Variants in C2orf49 observed in about 807,000 individuals in gnomAD.
C2orf49 encodes the protein tRNA-splicing ligase complex subunit ASW.
Under a neutral mutation model 20.6 loss-of-function variants are expected in C2orf49, and 11 were observed. The observed-to-expected ratio is 0.53, with a 90% CI of 0.34 to 0.88. C2orf49 has a LOEUF of 0.88. Ranked by LOEUF, C2orf49 falls within the 40% of genes least tolerant of loss-of-function variation. C2orf49 has a pLI of 0.02. For synonymous variants in C2orf49, 134 were observed against 108.5 expected (o/e 1.24, Z -1.46); for missense variants, 289 against 274.2 (o/e 1.05, Z -0.38).
chr2:105,365,426 G>T, the C2orf49 span, among the ~76,000 whole-genome samples: 1 of 152,200 alleles, frequency 6.6e-6, no homozygotes, highest in East Asian at 1.9e-4. Flanking sequence ...ATCCCAGAAG[G>T]ATGTGTTGCT....
At chr2:105,345,124 TAAACTACACACATTTGA>T (rs1243315347) in intron 3 of C2orf49, among the ~76,000 whole-genome samples, 174 bp from the exon 4 acceptor site, 1 of 152,204 alleles carries the variant, frequency 6.6e-6, no homozygotes, top group Non-Finnish European at 1.5e-5. Context: ...TAAGTTATTC[TAAACTACACACATTTGA>T]GAACCACAGA....
chr2:105,343,233 G>C lies in C2orf49; in HGVS notation c.642+10G>C. The C allele has an allele frequency of 6.4e-7, 1 of 1,557,978 alleles. No individual in the cohort carries two copies. The highest frequency in any genetic ancestry group is 8.6e-7 in the Non-Finnish European group (1 of 1,158,596). On this transcript the variant is annotated intron_variant, in intron 3 of 3. Coordinates refer to ENST00000258457, the MANE Select transcript of C2orf49 (RefSeq NM_024093.3). The stretch of plus-strand genomic sequence containing the variant: ...AGAGGCAGAGGCCATGGTAAGTATG[G>C]GGGTGGTTTCCATGCTGGTAAGTGG...
At chr2:105,372,719 G>T in the C2orf49 span, among the ~76,000 whole-genome samples, 5 of 151,990 alleles carry the variant, frequency 3.3e-5, no homozygotes, top group Non-Finnish European at 5.9e-5. Flanking sequence ...AACCTGGGAG[G>T]CAGAGGTTGC....
rs1480483166 is a variant in C2orf49, at chr2:105,345,533, C to T, written c.*162C>T. The stretch of plus-strand genomic sequence containing the variant: ...GGATTTATTTTCCTTCCCTTCTTCC[C>T]TCCCTCCCTTCCTTTTTTAAAATTC... On this transcript the variant is annotated 3_prime_UTR_variant, in exon 4 of 4. Transcript: ENST00000258457. 3 of 641,124 alleles carry T rather than the reference C, an allele frequency of 4.7e-6. No homozygotes were observed. The highest frequency in any genetic ancestry group is 8.2e-6 in the Non-Finnish European group (3 of 368,068). 39.7% of individuals were successfully genotyped at this position (641,124 alleles called of 1,614,324 possible). A position where few individuals can be genotyped will look rare whatever the true frequency, so the allele number is the denominator to read the frequency against.
At chr2:105,338,504 G>C (rs542098178) in intron 1 of C2orf49, among the ~76,000 whole-genome samples, 1 of 152,096 alleles carries the variant, frequency 6.6e-6, no homozygotes, top group Non-Finnish European at 1.5e-5. Context: ...TCAGTTTCTC[G>C]TTCAGTAGTT....
rs1226542866 is a variant in C2orf49 at position 105,337,633 on chromosome 2, C to T, written c.46C>T (p.Leu16=). The change falls in exon 1 of 4, where the codon CTG becomes TTG. Residue 16 remains leucine, a synonymous_variant. Transcript: ENST00000258457. ...GGRSCTDSEL[L]LHPELLSQEF... is the part of the protein sequence containing the mutation. ...TCGCAGCTGCACGGACTCGGAACTGCTGCTGCACCCGGAGCTGCTGTCCCA... is the reference window on the plus strand; with the variant it reads ...TCGCAGCTGCACGGACTCGGAACTGTTGCTGCACCCGGAGCTGCTGTCCCA... 1.3e-6 allele frequency: 2 copies of T among 1,599,660 alleles called. No homozygotes were observed. The highest frequency in any genetic ancestry group is 1.1e-5 in the South Asian group (1 of 90,746).
the C2orf49 span, chr2:105,373,865 A>T: frequency 1.3e-6 from 1 of 750,426 alleles, no homozygotes; most frequent in Non-Finnish European, 2.2e-6. Context: ...GCGCACCCAC[A>T]TTCATGCCCC....
At chr2:105,351,270 T>C (rs1039187653), downstream of C2orf49, among the ~76,000 whole-genome samples, 7 of 150,086 alleles carry the variant, frequency 4.7e-5, no homozygotes, top group South Asian at 4.3e-4. Flanking sequence ...TTTTCCACTA[T>C]AGTTATTGCT....
At chr2:105,372,832 C>T in the C2orf49 span, among the ~76,000 whole-genome samples, 3 of 152,194 alleles carry the variant, frequency 2.0e-5, no homozygotes, top group Non-Finnish European at 2.9e-5. Flanking sequence ...ACTGGAATTA[C>T]AGGTATAAGC....
the C2orf49 span, among the ~76,000 whole-genome samples, chr2:105,355,748 A>T: frequency 6.6e-6 from 1 of 151,350 alleles, no homozygotes; most frequent in Non-Finnish European, 1.5e-5. Flanking sequence ...GTTCTAAGTT[A>T]TATAGCTCAG....
chr2:105,364,443 G>C, the C2orf49 span, among the ~76,000 whole-genome samples: 119 of 152,318 alleles, frequency 7.8e-4, no homozygotes, highest in African/African-American at 2.8e-3. Context: ...AAATAAGCTG[G>C]ATGCCTTCAT....
chr2:105,348,009 T>TTC lies in C2orf49; in HGVS notation c.*2639_*2640insCT, dbSNP rs72530031. On this transcript the variant is annotated 3_prime_UTR_variant, in exon 4 of 4. Coordinates refer to ENST00000258457, the MANE Select transcript of C2orf49 (RefSeq NM_024093.3). ...CATTAGCAGGCATCCTTGTTTTTTC[T>TTC]TTTCCCTCTTTGTTCCTTCTTTTCC... 1 of 151,712 alleles carries TTC rather than the reference T, an allele frequency of 6.6e-6. No homozygotes were observed. Among genetic ancestry groups the TTC allele is most frequent in the Non-Finnish European group, 1.5e-5 (1 of 67,926 alleles). The allele number at this position is 151,712 out of a possible 1,614,324, so 9.4% of individuals were successfully genotyped here. A position where few individuals can be genotyped will look rare whatever the true frequency, so the allele number is the denominator to read the frequency against.
the C2orf49 span, among the ~76,000 whole-genome samples, chr2:105,363,920 G>T: frequency 1.3e-5 from 2 of 152,326 alleles, no homozygotes; most frequent in Non-Finnish European, 2.9e-5. Flanking sequence ...CATCCAGGAA[G>T]TGAGGGTGAT....
intron 3 of C2orf49, 134 bp from the exon 4 acceptor site, chr2:105,345,181 T>C (rs1679778944): frequency 6.8e-6 from 5 of 739,872 alleles, no homozygotes; most frequent in Non-Finnish European, 1.1e-5. Flanking sequence ...TTTCTTTAAA[T>C]ATATTCCCAC....
At chr2:105,362,221 A>T in the C2orf49 span, among the ~76,000 whole-genome samples, 1 of 152,226 alleles carries the variant, frequency 6.6e-6, no homozygotes, top group African/African-American at 2.4e-5. Flanking sequence ...CCCCTAAAAG[A>T]TTCCAAGGGA....
Position 105,347,962 on chromosome 2 carries a change from T to C in C2orf49, c.*2591T>C, listed in dbSNP as rs878865279. 1.3e-5 allele frequency: 2 copies of C among 152,074 alleles called. No individual in the cohort carries two copies. Among genetic ancestry groups the C allele is most frequent in the Admixed American group, 1.3e-4 (2 of 15,264 alleles). 9.4% of individuals were successfully genotyped at this position (152,074 alleles called of 1,614,324 possible). A position where few individuals can be genotyped will look rare whatever the true frequency, so the allele number is the denominator to read the frequency against. ...GTGGGTGGCTTGTAAGTTGTAGTTA[T>C]AGGCACTTTACCACTTCCTGCCATT... On this transcript the variant is annotated 3_prime_UTR_variant, in exon 4 of 4. Transcript: ENST00000258457.
the C2orf49 span, among the ~76,000 whole-genome samples, chr2:105,380,554 G>C: frequency 6.6e-6 from 1 of 152,136 alleles, no homozygotes; most frequent in African/African-American, 2.4e-5. Flanking sequence ...AAACAGAAAA[G>C]CTCCAAACCG....
the C2orf49 span, among the ~76,000 whole-genome samples, chr2:105,382,835 GTTAAATGCACAGTA>G: frequency 6.6e-6 from 1 of 152,132 alleles, no homozygotes; most frequent in Admixed American, 6.5e-5. Flanking sequence ...TCACCAATTT[GTTAAATGCACAGTA>G]TTAGCAGCTG....
rs1679793737 is a variant in C2orf49, at chr2:105,345,694, G to A, written c.*323G>A. 1 of 260,296 alleles carries A rather than the reference G, an allele frequency of 3.8e-6. No individual in the cohort carries two copies. 16.1% of individuals were successfully genotyped at this position (260,296 alleles called of 1,614,324 possible). ...ATCCATTGAATTGGCCAGGCGCAGT[G>A]GCTCACGCCTATAATCCCAGCACTT... On this transcript the variant is annotated 3_prime_UTR_variant, in exon 4 of 4. Transcript: ENST00000258457.
Sources: gnomAD v4.1 joint callset for allele counts (sites outside exome capture counted in the v4.1 genomes callset) on GRCh38, gnomAD v4.1.1 for gene constraint, MANE v1.5 for transcripts, NCBI Gene and HGNC (gene_info 2026-07-23, HGNC 2026-07-21) for gene names.